Variants in ATG7 observed in about 807,000 individuals in gnomAD.
ATG7 encodes ubiquitin-like modifier-activating enzyme ATG7.
ATG7 carries 70 observed loss-of-function variants against 82.4 expected under a neutral mutation model. The ratio of observed to expected loss-of-function variants is 0.85; its 90% confidence interval spans 0.70 to 1.04. The LOEUF is 1.04. Among genes scored for constraint, ATG7 ranks in the 50% least tolerant of loss-of-function variants. The pLI, the probability that ATG7 is intolerant of heterozygous loss-of-function variation, is 0.00. For synonymous variants in ATG7, 287 were observed against 313.0 expected (o/e 0.92, Z 0.88); for missense variants, 792 against 864.3 (o/e 0.92, Z 1.05).
chr3:11,433,508 T>C (rs2083098471), intron 20 of ATG7, among the ~76,000 whole-genome samples: 1 of 152,076 alleles, frequency 6.6e-6, no homozygotes, highest in South Asian at 2.1e-4. Context: ...GCCAAAATAT[T>C]TTCTAACTGA....
intron 20 of ATG7, among the ~76,000 whole-genome samples, chr3:11,475,238 G>C (rs1034274788): frequency 6.6e-6 from 1 of 152,092 alleles, no homozygotes; most frequent in African/African-American, 2.4e-5. Flanking sequence ...AATACCTACT[G>C]TGTTCCAGTC....
At chr3:11,569,006 G>C in the ATG7 span, 23 of 987,544 alleles carry the variant, frequency 2.3e-5, no homozygotes, top group Non-Finnish European at 2.8e-5. Context: ...ATCCAGGACA[G>C]AGCTTTCTGA....
At chr3:11,324,249 A>G (rs879800999) in intron 9 of ATG7, among the ~76,000 whole-genome samples, 1 of 152,244 alleles carries the variant, frequency 6.6e-6, no homozygotes, top group Admixed American at 6.5e-5. Context: ...GTGATTATTT[A>G]TGAAAAATAT....
chr3:11,413,863 TG>T (rs1201678416), intron 19 of ATG7, among the ~76,000 whole-genome samples: 4 of 152,208 alleles, frequency 2.6e-5, no homozygotes, highest in African/African-American at 9.6e-5. Flanking sequence ...GCAGGGCTTT[TG>T]TTTGCCAGGA....
At chr3:11,516,178 A>C (rs1269898570) in intron 20 of ATG7, among the ~76,000 whole-genome samples, 1 of 152,160 alleles carries the variant, frequency 6.6e-6, no homozygotes, top group Admixed American at 6.5e-5. Context: ...AGATATACAG[A>C]TGGCAAATAA....
intron 5 of ATG7, among the ~76,000 whole-genome samples, chr3:11,305,361 C>T (rs73125411): frequency 0.061 from 9,353 of 152,272 alleles, 441 homozygotes; most frequent in African/African-American, 0.13. Flanking sequence ...TTTCTCCTTT[C>T]ACAAAATGAG....
intron 10 of ATG7, among the ~76,000 whole-genome samples, chr3:11,332,072 A>G (rs770014295): frequency 2.0e-5 from 3 of 152,186 alleles, no homozygotes; most frequent in South Asian, 2.1e-4. Context: ...AGCAAAACAC[A>G]TATACAAGAA....
chr3:11,335,360 A>G (rs1037813961), intron 11 of ATG7, among the ~76,000 whole-genome samples: 4 of 152,100 alleles, frequency 2.6e-5, no homozygotes, highest in African/African-American at 9.7e-5. Flanking sequence ...CATAAAATAC[A>G]CTAACACTAA....
chr3:11,276,856 C>G (rs544979752), intron 1 of ATG7, among the ~76,000 whole-genome samples: 1 of 152,182 alleles, frequency 6.6e-6, no homozygotes, highest in Admixed American at 6.5e-5. Flanking sequence ...GACCCCTGTT[C>G]TGTATCATAG....
rs929707352 is a variant in ATG7, at chr3:11,498,859, G to A, written c.2080-55952G>A. ...TCTCTGAACTCCTGAAATGGCTGCC[G>A]ATCCTAGGAGAGTGTATGAGCCAAA... On this transcript the variant is annotated intron_variant, in intron 20 of 20. Transcript: ENST00000693202. Among the ~76,000 whole-genome samples the A allele has an allele frequency of 3.3e-5, 5 of 152,264 alleles. No individual in the cohort carries two copies. In the East Asian group the frequency reaches 5.8e-4, roughly 18 times the overall value.
intron 20 of ATG7, among the ~76,000 whole-genome samples, chr3:11,480,710 C>A (rs180725561): frequency 1.9e-3 from 284 of 152,308 alleles, no homozygotes; most frequent in African/African-American, 6.2e-3. Flanking sequence ...CTCACAAGGA[C>A]TTGAAACCCA....
rs774499963 is a variant in ATG7, at chr3:11,397,347, A to G, written c.1956+17295A>G. ...GGCAAAAAGCATTAATTTGTAATACAATTACTTTATAATAATTGGTTTTAA... is the reference window on the plus strand; with the variant it reads ...GGCAAAAAGCATTAATTTGTAATACGATTACTTTATAATAATTGGTTTTAA... On this transcript the variant is annotated intron_variant, in intron 19 of 20. Coordinates refer to ENST00000693202, the MANE Select transcript of ATG7 (RefSeq NM_001349232.2). Among the ~76,000 whole-genome samples, 3 of 147,622 alleles carry G rather than the reference A, an allele frequency of 2.0e-5. No homozygotes were observed. The Admixed American group carries it at 2.1e-4, about 10-fold the overall frequency.
chr3:11,464,989 C>T (rs575923486), intron 20 of ATG7, among the ~76,000 whole-genome samples: 2 of 152,184 alleles, frequency 1.3e-5, no homozygotes, highest in East Asian at 1.9e-4. Context: ...CTATCATCAT[C>T]GTCATCAACA....
chr3:11,535,919 G>A (rs17034600), intron 20 of ATG7, among the ~76,000 whole-genome samples: 5,317 of 152,306 alleles, frequency 0.035, 110 homozygotes, highest in African/African-American at 0.055. Flanking sequence ...ATGCTCCTTA[G>A]CAGAGAAAAG....
At chr3:11,378,256 A>G (rs1447565198) in intron 18 of ATG7, among the ~76,000 whole-genome samples, 2 of 149,604 alleles carry the variant, frequency 1.3e-5, no homozygotes, top group Non-Finnish European at 3.0e-5. Flanking sequence ...ACCTCAGGTG[A>G]TCTGCCCGCC....
intron 11 of ATG7, among the ~76,000 whole-genome samples, chr3:11,334,859 A>G (rs905509360): frequency 2.0e-5 from 3 of 148,486 alleles, no homozygotes; most frequent in African/African-American, 7.5e-5. Flanking sequence ...CAGGAGGCTG[A>G]GGCAGAAGAA....
intron 20 of ATG7, among the ~76,000 whole-genome samples, chr3:11,522,386 G>A (rs1420146794): frequency 1.3e-5 from 2 of 152,124 alleles, no homozygotes; most frequent in Non-Finnish European, 2.9e-5. Context: ...CTAACTATAG[G>A]TGGGTTTACA....
rs1192995932 is a variant in ATG7 at position 11,418,540 on chromosome 3, C to CTA, written c.1957-8261_1957-8260dup. Among the ~76,000 whole-genome samples the CTA allele has an allele frequency of 2.0e-5, 3 of 152,328 alleles. No individual in the cohort carries two copies. The East Asian group carries it at 5.8e-4, about 29-fold the overall frequency. On this transcript the variant is annotated intron_variant, in intron 19 of 20. Coordinates refer to ENST00000693202, the MANE Select transcript of ATG7 (RefSeq NM_001349232.2). ...AACTCACAAAAGCATGGGGGCCTCC[C>CTA]TATAACTAGGTCCCCCTGGAGTTTT...
At chr3:11,281,527 C>A (rs1434266286) in intron 2 of ATG7, among the ~76,000 whole-genome samples, 2 of 152,094 alleles carry the variant, frequency 1.3e-5, no homozygotes, top group African/African-American at 4.8e-5. Context: ...AATCCCAGTA[C>A]TTTGGGAGGC....
Sources: allele counts gnomAD v4.1 joint callset (sites outside exome capture counted in the v4.1 genomes callset), GRCh38; gene constraint gnomAD v4.1.1; transcripts MANE v1.5; gene names NCBI Gene and HGNC (gene_info 2026-07-23, HGNC 2026-07-21).